PHF14: variants seen among roughly 807,000 people sequenced by gnomAD.
PHF14 encodes PHD finger protein 14.
In PHF14, 55 loss-of-function variants were observed where a neutral mutation model predicts 117.9. The ratio of observed to expected loss-of-function variants is 0.47; its 90% confidence interval spans 0.38 to 0.58. The LOEUF (loss-of-function observed/expected upper bound fraction) is 0.58. Among genes scored for constraint, PHF14 ranks in the 20% least tolerant of loss-of-function variants. The probability of loss-of-function intolerance (pLI) is 0.00; values close to 1 mark genes in which losing one functional copy is unlikely to be tolerated. For synonymous variants in PHF14, 409 were observed against 368.6 expected, an observed-to-expected ratio of 1.11 and a Z score of -1.26; for missense variants, 978 against 1,122.2, an observed-to-expected ratio of 0.87 and a Z score of 1.84.
chr7:11,096,876 A>C (rs1448332394), intron 16 of PHF14, among the ~76,000 whole-genome samples: 1 of 151,712 alleles, frequency 6.6e-6, no homozygotes, highest in East Asian at 1.9e-4. Flanking sequence ...GGAAAAAAAA[A>C]CTCATCTTCA....
At chr7:11,042,453 T>G (rs1021036489) in intron 12 of PHF14, among the ~76,000 whole-genome samples, 4 of 151,964 alleles carry the variant, frequency 2.6e-5, no homozygotes, top group Admixed American at 2.0e-4. Flanking sequence ...TCTAGTAGTA[T>G]TTAAATTTTT....
chr7:11,086,630 A>G (rs1786420069), intron 16 of PHF14, among the ~76,000 whole-genome samples: 1 of 152,186 alleles, frequency 6.6e-6, no homozygotes, highest in Admixed American at 6.5e-5. Flanking sequence ...AACCAAATTG[A>G]AAAAACAATC....
chr7:11,005,182 C>T (rs1423179569), intron 4 of PHF14, among the ~76,000 whole-genome samples: 1 of 151,964 alleles, frequency 6.6e-6, no homozygotes, highest in Non-Finnish European at 1.5e-5. Flanking sequence ...TCTCTAGCAA[C>T]TTTCCACTTA....
chr7:11,129,498 A>C (rs1788027422), intron 17 of PHF14, among the ~76,000 whole-genome samples: 1 of 151,842 alleles, frequency 6.6e-6, no homozygotes, highest in Non-Finnish European at 1.5e-5. Flanking sequence ...GGCATTGTCT[A>C]AGGGTATAAA....
At chr7:10,977,216 T>C (rs1444113310) in intron 2 of PHF14, among the ~76,000 whole-genome samples, 1 of 152,034 alleles carries the variant, frequency 6.6e-6, no homozygotes, top group Non-Finnish European at 1.5e-5. Context: ...TACTTACGAA[T>C]AGGAGATTAA....
intron 1 of PHF14, 94 bp downstream of exon 1, chr7:10,974,418 G>A: frequency 2.8e-6 from 3 of 1,071,714 alleles, no homozygotes; most frequent in Non-Finnish European, 2.8e-6. Context: ...GGAGAGTCCT[G>A]CGGGAAAGCA....
intron 17 of PHF14, among the ~76,000 whole-genome samples, chr7:11,145,996 CTA>C (rs1488155768): frequency 2.6e-5 from 4 of 151,914 alleles, no homozygotes; most frequent in Non-Finnish European, 4.4e-5. Flanking sequence ...TTATCACAAA[CTA>C]TTAATTAAAT....
chr7:11,121,209 A>G (rs1229560848), intron 17 of PHF14, among the ~76,000 whole-genome samples: 1 of 152,126 alleles, frequency 6.6e-6, no homozygotes, highest in African/African-American at 2.4e-5. Flanking sequence ...TTAAGGATGG[A>G]TATGTTGGAA....
chr7:10,995,792 A>G (rs1370833776), intron 4 of PHF14, among the ~76,000 whole-genome samples: 1 of 152,132 alleles, frequency 6.6e-6, no homozygotes, highest in Non-Finnish European at 1.5e-5. Flanking sequence ...CTGCTGGCCC[A>G]GGTGCTAAGC....
chr7:11,001,270 T>G (rs1452784284), intron 4 of PHF14, among the ~76,000 whole-genome samples: 1 of 152,174 alleles, frequency 6.6e-6, no homozygotes, highest in Non-Finnish European at 1.5e-5. Context: ...ATTCTTTGAT[T>G]AATACCACAC....
intron 6 of PHF14, 52 bp downstream of exon 6, chr7:11,023,031 A>T (rs1783787206): frequency 1.0e-6 from 1 of 955,920 alleles, no homozygotes; most frequent in African/African-American, 1.6e-5. Context: ...TTTACTTGTT[A>T]GTTTACCTGG....
chr7:11,036,992 T>C lies in PHF14; in HGVS notation c.1881T>C (p.Asn627=). ...ADFVNYYFER[N]MRMIQIQENM... is the part of the protein sequence containing the mutation. ...GATATTTCATTTAAATAGAGAGAAA[T>C]ATGCGCATGATTCAAATTCAGGAAA... Residue 627 remains asparagine (N), a synonymous_variant, in exon 10 of 18, where the codon AAT becomes AAC. Coordinates refer to ENST00000634607, the MANE Select transcript of PHF14 (RefSeq NM_001007157.2). 6.7e-7 allele frequency: 1 copy of C among 1,496,824 alleles called. No homozygotes were observed. The highest frequency in any genetic ancestry group is 2.0e-5 in the Admixed American group (1 of 48,900). 92.7% of individuals were successfully genotyped at this position (1,496,824 alleles called of 1,614,324 possible). A position where few individuals can be genotyped will look rare whatever the true frequency, so the allele number is the denominator to read the frequency against.
intron 4 of PHF14, among the ~76,000 whole-genome samples, chr7:11,008,195 A>G (rs978326346): frequency 1.3e-5 from 2 of 152,128 alleles, no homozygotes; most frequent in Non-Finnish European, 2.9e-5. Flanking sequence ...GTTTCCCCCT[A>G]TTTATTTTTC....
intron 16 of PHF14, among the ~76,000 whole-genome samples, chr7:11,064,856 A>G (rs1311858553): frequency 2.6e-5 from 4 of 152,062 alleles, no homozygotes; most frequent in Admixed American, 2.6e-4. Context: ...GATCACAATC[A>G]TACTTGCTTC....
chr7:11,006,588 A>G lies in PHF14; in HGVS notation c.1046-7159A>G, dbSNP rs528766665. ...TTTAACTTCCTCAGTGAACACAAGC[A>G]TGTTGTTGTCTTCTATCTTCTTCAT... On this transcript the variant is annotated intron_variant, in intron 4 of 17. Transcript: ENST00000634607. 9.6e-5 allele frequency: 58 copies of G among 605,874 alleles called. No homozygotes were observed. In the African/African-American group the frequency reaches 1.0e-3, roughly 11 times the overall value. The allele number at this position is 605,874 out of a possible 1,614,324, so 37.5% of individuals were successfully genotyped here.
chr7:11,121,334 A>G (rs1040993279), intron 17 of PHF14, among the ~76,000 whole-genome samples: 4 of 152,196 alleles, frequency 2.6e-5, no homozygotes, highest in Admixed American at 2.6e-4. Flanking sequence ...TGTGCCATCA[A>G]TATGCCTTAC....
chr7:11,112,939 A>G (rs112481265), intron 17 of PHF14, among the ~76,000 whole-genome samples: 3,231 of 152,164 alleles, frequency 0.021, 76 homozygotes, highest in Admixed American at 0.061. Flanking sequence ...AACATATTTA[A>G]TTTTAAAGAT....
intron 3 of PHF14, among the ~76,000 whole-genome samples, chr7:10,988,105 A>T (rs1782291635): frequency 6.6e-6 from 1 of 151,898 alleles, no homozygotes; most frequent in Admixed American, 6.6e-5. Flanking sequence ...TTTCCAGTTG[A>T]AACATTGTCT....
intron 17 of PHF14, among the ~76,000 whole-genome samples, chr7:11,154,317 A>T (rs1414856104): frequency 6.6e-6 from 1 of 152,124 alleles, no homozygotes; most frequent in African/African-American, 2.4e-5. Flanking sequence ...AGAAAAACAA[A>T]ATGTAAACAT....
Sources: gnomAD v4.1 joint callset for allele counts (sites outside exome capture counted in the v4.1 genomes callset) on GRCh38, gnomAD v4.1.1 for gene constraint, MANE v1.5 for transcripts, NCBI Gene and HGNC (gene_info 2026-07-23, HGNC 2026-07-21) for gene names.